The following TBCK variants were observed in gnomAD, a reference collection of about 807,000 sequenced individuals.
TBCK encodes the protein TBC1 domain containing kinase, also known as TBC domain-containing protein kinase-like protein.
TBCK carries 99 observed loss-of-function variants against 113.4 expected under a neutral mutation model. That is an observed-to-expected ratio of 0.87 (90% CI 0.74 to 1.03). The LOEUF (loss-of-function observed/expected upper bound fraction) is 1.03, where lower values mean the gene tolerates loss of function less well. Ranked by LOEUF, TBCK falls within the 50% of genes least tolerant of loss-of-function variation. TBCK has a pLI of 0.00. For synonymous variants in TBCK, 369 were observed against 370.8 expected, an observed-to-expected ratio of 1.00 and a Z score of 0.05; for missense variants, 1,045 against 1,061.3, an observed-to-expected ratio of 0.98 and a Z score of 0.21.
At chr4:106,067,859 C>T (rs1311477274) in intron 25 of TBCK, among the ~76,000 whole-genome samples, 2 of 152,068 alleles carry the variant, frequency 1.3e-5, no homozygotes, top group Non-Finnish European at 2.9e-5. Flanking sequence ...ATATGTCTAT[C>T]ATTATGCCTG....
chr4:106,307,731 T>C (rs995563943), intron 2 of TBCK, among the ~76,000 whole-genome samples: 9 of 152,290 alleles, frequency 5.9e-5, no homozygotes, highest in African/African-American at 2.2e-4. Context: ...GCATTTAAAA[T>C]ATTTTTAAGA....
chr4:106,148,774 T>C (rs192914799), intron 23 of TBCK, among the ~76,000 whole-genome samples: 37 of 152,286 alleles, frequency 2.4e-4, no homozygotes, highest in Admixed American at 1.8e-3. Context: ...CAATGAGTAT[T>C]AGCTTCAACT....
intron 23 of TBCK, among the ~76,000 whole-genome samples, chr4:106,153,770 C>T (rs989076827): frequency 4.6e-5 from 7 of 151,912 alleles, no homozygotes; most frequent in African/African-American, 1.7e-4. Context: ...CTTATATATC[C>T]TCTTGCTGAA....
chr4:106,234,997 C>G (rs1294191575), intron 15 of TBCK, among the ~76,000 whole-genome samples: 1 of 152,082 alleles, frequency 6.6e-6, no homozygotes, highest in African/African-American at 2.4e-5. Flanking sequence ...GATATATATT[C>G]TTAAAATATT....
chr4:106,262,611 C>A (rs1762612732), intron 3 of TBCK, among the ~76,000 whole-genome samples: 1 of 152,042 alleles, frequency 6.6e-6, no homozygotes, highest in Non-Finnish European at 1.5e-5. Flanking sequence ...ATACCTAAGC[C>A]CCCGAAAAAA....
intron 20 of TBCK, 100 bp downstream of exon 20, chr4:106,212,650 G>GA: frequency 1.3e-6 from 1 of 769,298 alleles, no homozygotes; most frequent in Non-Finnish European, 2.1e-6. Flanking sequence ...GTTCAGATAT[G>GA]CACTATGACA....
chr4:106,293,075 C>A (rs1765892029), intron 3 of TBCK, among the ~76,000 whole-genome samples: 2 of 152,094 alleles, frequency 1.3e-5, no homozygotes, highest in South Asian at 4.1e-4. Flanking sequence ...CACAAAGGAC[C>A]CCTGAATGGG....
intron 22 of TBCK, among the ~76,000 whole-genome samples, chr4:106,179,943 T>C (rs901866428): frequency 6.6e-6 from 1 of 152,106 alleles, no homozygotes; most frequent in African/African-American, 2.4e-5. Context: ...GTATATATAA[T>C]TGTTATATCC....
intron 2 of TBCK, 84 bp from the exon 3 acceptor site, chr4:106,295,250 A>AAT: frequency 1.8e-6 from 2 of 1,105,436 alleles, no homozygotes; most frequent in South Asian, 3.2e-5. Context: ...TGATGATATT[A>AAT]ATATATAACA....
chr4:106,251,480 TC>T (rs1189750601), intron 6 of TBCK, among the ~76,000 whole-genome samples: 1 of 151,948 alleles, frequency 6.6e-6, no homozygotes, highest in Non-Finnish European at 1.5e-5. Flanking sequence ...AAGCTGCTAT[TC>T]TTCTCAATCT....
intron 23 of TBCK, among the ~76,000 whole-genome samples, chr4:106,169,659 G>A (rs1281740543): frequency 6.6e-6 from 1 of 151,974 alleles, no homozygotes; most frequent in Non-Finnish European, 1.5e-5. Context: ...GTGGCAGATG[G>A]TTTTGGGATA....
At chr4:106,295,350 A>G in intron 2 of TBCK, among the ~76,000 whole-genome samples, 184 bp from the exon 3 acceptor site, 1 of 152,344 alleles carries the variant, frequency 6.6e-6, no homozygotes, top group African/African-American at 2.4e-5. Context: ...TAATAAAACA[A>G]TAACTATTTT....
chr4:106,265,869 A>T (rs528261203), intron 3 of TBCK, among the ~76,000 whole-genome samples: 1 of 151,920 alleles, frequency 6.6e-6, no homozygotes, highest in South Asian at 2.1e-4. Context: ...GAATAAGCTG[A>T]TATTCCCCAT....
intron 25 of TBCK, among the ~76,000 whole-genome samples, chr4:106,062,794 T>C (rs1321142120): frequency 6.6e-6 from 1 of 151,908 alleles, no homozygotes; most frequent in African/African-American, 2.4e-5. Context: ...AAGATTAAGA[T>C]GATGACTTTG....
intron 25 of TBCK, among the ~76,000 whole-genome samples, chr4:106,070,050 T>G (rs1428431476): frequency 6.6e-6 from 1 of 152,052 alleles, no homozygotes; most frequent in African/African-American, 2.4e-5. Context: ...GCTGAGACGA[T>G]GGGGTTTTCT....
intron 24 of TBCK, among the ~76,000 whole-genome samples, chr4:106,107,168 A>G (rs1315766476): frequency 6.6e-6 from 1 of 151,858 alleles, no homozygotes; most frequent in Admixed American, 6.6e-5. Context: ...AGAGACATCG[A>G]CTCCCACACA....
At chr4:106,277,820 A>G (rs983241491) in intron 3 of TBCK, among the ~76,000 whole-genome samples, 11 of 152,220 alleles carry the variant, frequency 7.2e-5, no homozygotes, top group African/African-American at 2.7e-4. Flanking sequence ...ATGTAAACTT[A>G]AAAAGTTTGT....
chr4:106,162,251 G>A (rs1749883336), intron 23 of TBCK, among the ~76,000 whole-genome samples: 2 of 152,212 alleles, frequency 1.3e-5, no homozygotes, highest in South Asian at 4.1e-4. Context: ...TCCAGGTCAT[G>A]CTGATGCAAG....
chr4:106,283,059 TAAAG>T (rs1397307141), intron 3 of TBCK, among the ~76,000 whole-genome samples: 4 of 152,116 alleles, frequency 2.6e-5, no homozygotes, highest in Admixed American at 6.5e-5. Context: ...AGGAATATCA[TAAAG>T]AAATTCATAT....
Sources: gnomAD v4.1 joint callset for allele counts (sites outside exome capture counted in the v4.1 genomes callset) on GRCh38, gnomAD v4.1.1 for gene constraint, MANE v1.5 for transcripts, NCBI Gene and HGNC (gene_info 2026-07-23, HGNC 2026-07-21) for gene names.